The following HIVEP1 variants were observed in gnomAD, a reference collection of about 807,000 sequenced individuals.
HIVEP1 encodes zinc finger protein 40.
Under a neutral mutation model 180.0 loss-of-function variants are expected in HIVEP1, and 36 were observed. That is an observed-to-expected ratio of 0.20 (90% confidence interval 0.15 to 0.26). HIVEP1 has a LOEUF of 0.26. Ranked by LOEUF, HIVEP1 falls within the 10% of genes least tolerant of loss-of-function variation. The pLI, the probability that HIVEP1 is intolerant of heterozygous loss-of-function variation, is 1.00. For missense variants in HIVEP1, 3,143 were observed against 3,268.7 expected, an observed-to-expected ratio of 0.96 and a Z score of 0.94; for synonymous variants, 1,239 against 1,239.0, an observed-to-expected ratio of 1.00 and a Z score of 0.00.
At chr6:12,024,770 G>A (rs1382301126) in intron 2 of HIVEP1, among the ~76,000 whole-genome samples, 3 of 152,226 alleles carry the variant, frequency 2.0e-5, no homozygotes, top group East Asian at 1.9e-4. Context: ...GGACTTGGAA[G>A]GTGGTTGGTT....
At chr6:12,195,861 G>C in the HIVEP1 span, among the ~76,000 whole-genome samples, 3 of 152,184 alleles carry the variant, frequency 2.0e-5, no homozygotes, top group African/African-American at 7.2e-5. Context: ...ATATAAAGAA[G>C]TTTCTAGTAG....
the HIVEP1 span, among the ~76,000 whole-genome samples, chr6:12,203,832 T>C: frequency 1.3e-5 from 2 of 152,104 alleles, no homozygotes; most frequent in Admixed American, 1.3e-4. Context: ...ATCCCAGCAC[T>C]TTGGGGGGCC....
At chr6:12,066,966 T>G (rs1427943627) in intron 2 of HIVEP1, among the ~76,000 whole-genome samples, 1 of 152,072 alleles carries the variant, frequency 6.6e-6, no homozygotes, top group East Asian at 1.9e-4. Context: ...GGCTAATGGC[T>G]TTGAACAACA....
At chr6:12,110,661 ATCT>A (rs1212623532) in intron 3 of HIVEP1, among the ~76,000 whole-genome samples, 1 of 152,206 alleles carries the variant, frequency 6.6e-6, no homozygotes, top group Non-Finnish European at 1.5e-5. Flanking sequence ...GGCTGGTTTC[ATCT>A]TCTGTCCAAA....
At chr6:12,039,257 T>C (rs1471323832) in intron 2 of HIVEP1, 1 of 152,260 alleles carries the variant, frequency 6.6e-6, no homozygotes, top group Non-Finnish European at 1.5e-5. Flanking sequence ...AGGCATTGTC[T>C]TTTGTGTCCA....
chr6:12,089,036 TCAA>T, intron 2 of HIVEP1, 145 bp from the exon 3 acceptor site: 1 of 480,432 alleles, frequency 2.1e-6, no homozygotes, highest in Non-Finnish European at 3.8e-6. Flanking sequence ...AATATATCCT[TCAA>T]CAGTTTATAC....
chr6:12,049,413 T>C (rs74617368), intron 2 of HIVEP1, among the ~76,000 whole-genome samples: 1,690 of 152,252 alleles, frequency 0.011, 34 homozygotes, highest in African/African-American at 0.038. Flanking sequence ...TCAGGGAGCT[T>C]GTGGCGTGAC....
rs1760656323 is a variant in HIVEP1, at chr6:12,164,934, CTT to C, written c.*475_*476del. 1 of 318,654 alleles carries C rather than the reference CTT, an allele frequency of 3.1e-6. No individual in the cohort carries two copies. The highest frequency in any genetic ancestry group is 3.7e-5 in the Admixed American group (1 of 27,226). The allele number at this position is 318,654 out of a possible 1,614,324, so 19.7% of individuals were successfully genotyped here. On this transcript the variant is annotated 3_prime_UTR_variant, in exon 9 of 9. Coordinates refer to ENST00000379388, the MANE Select transcript of HIVEP1 (RefSeq NM_002114.4). ...CTGTCCTCCTTGTGTAAGACAGTAA[CTT>C]TACACTTCAGACAGATTTTCTGTGT...
chr6:12,209,856 A>G, the HIVEP1 span, among the ~76,000 whole-genome samples: 2 of 152,186 alleles, frequency 1.3e-5, no homozygotes, highest in African/African-American at 4.8e-5. Flanking sequence ...TCTTTGTTAT[A>G]TATTGTGGGA....
chr6:12,011,159 C>T (rs1767258422), upstream of HIVEP1, among the ~76,000 whole-genome samples: 1 of 152,194 alleles, frequency 6.6e-6, no homozygotes. Context: ...TCCAAACCAA[C>T]ACCCTGCCCC....
intron 2 of HIVEP1, among the ~76,000 whole-genome samples, chr6:12,035,006 C>T (rs771065559): frequency 2.6e-5 from 4 of 152,124 alleles, no homozygotes; most frequent in South Asian, 2.1e-4. Flanking sequence ...GTAAATCAAG[C>T]GCTTGGTACC....
chr6:12,020,560 G>C (rs537215696), intron 2 of HIVEP1: 9 of 402,086 alleles, frequency 2.2e-5, no homozygotes, highest in South Asian at 1.5e-4. Context: ...TTGGTGACTT[G>C]CAGGGGGTTC....
chr6:12,124,849 C>G lies in HIVEP1; in HGVS notation c.5054C>G (p.Ser1685Cys). The G allele has an allele frequency of 6.2e-7, 1 of 1,614,202 alleles. No individual in the cohort carries two copies. Among genetic ancestry groups the G allele is most frequent in the African/African-American group, 1.3e-5 (1 of 75,056 alleles). Reference sequence around the variant, plus strand: ...GTGCCAATCAGTGAAGAACAAAATTCTGTGCCAACATTACAAAAAGGTCAT... The same window carrying G: ...GTGCCAATCAGTGAAGAACAAAATTGTGTGCCAACATTACAAAAAGGTCAT... ...SVVPISEEQN[S>C]VPTLQKGHQN... is the part of the protein sequence containing the mutation. The change falls in exon 4 of 9, where the codon TCT becomes TGT. Residue 1685 changes from serine (S) to cysteine (C), a missense_variant. By Grantham distance (112) the Ser-to-Cys change is moderately radical. Coordinates refer to ENST00000379388, the MANE Select transcript of HIVEP1 (RefSeq NM_002114.4).
At chr6:12,039,132 A>G (rs1180350485) in intron 2 of HIVEP1, 1 of 152,184 alleles carries the variant, frequency 6.6e-6, no homozygotes, top group East Asian at 1.9e-4. Context: ...GTATATTTCT[A>G]CTTCAGCTAA....
At chr6:12,072,327 A>T (rs1168699145) in intron 2 of HIVEP1, among the ~76,000 whole-genome samples, 1 of 152,152 alleles carries the variant, frequency 6.6e-6, no homozygotes, top group Non-Finnish European at 1.5e-5. Flanking sequence ...ATTTGGCTAG[A>T]TATAGAATTC....
At chr6:12,156,700 T>TA (rs1199435708) in intron 7 of HIVEP1, among the ~76,000 whole-genome samples, 1 of 152,202 alleles carries the variant, frequency 6.6e-6, no homozygotes, top group Non-Finnish European at 1.5e-5. Context: ...TGTTTTCATG[T>TA]AAAAACACAC....
chr6:12,162,378 G>C (rs889987334), intron 8 of HIVEP1, among the ~76,000 whole-genome samples: 2 of 152,206 alleles, frequency 1.3e-5, no homozygotes, highest in Non-Finnish European at 2.9e-5. Flanking sequence ...TGGCAAGACA[G>C]CTACCAGTTT....
intron 7 of HIVEP1, among the ~76,000 whole-genome samples, chr6:12,153,270 G>C (rs1344398853): frequency 6.6e-6 from 1 of 152,158 alleles, no homozygotes; most frequent in Non-Finnish European, 1.5e-5. Flanking sequence ...TGATGATTCT[G>C]TAGTTAGATT....
At position 12,141,691 on chromosome 6, in the gene HIVEP1, C is replaced by CAAAAAAAAAAAAAAAAAAAAAAAAAAA. The variant is rs60419579; in HGVS notation, c.6487+5802_6487+5828dup. On this transcript the variant is annotated intron_variant, in intron 7 of 8. Coordinates refer to ENST00000379388, the MANE Select transcript of HIVEP1 (RefSeq NM_002114.4). ...GAAGATCTACCAAGCAAATGGAAAG[C>CAAAAAAAAAAAAAAAAAAAAAAAAAAA]AAAAAAAAAAAAAAAAAAAAAAAAA... is the stretch of plus-strand genomic sequence containing the variant. Among the ~76,000 whole-genome samples the CAAAAAAAAAAAAAAAAAAAAAAAAAAA allele has an allele frequency of 2.1e-4, 4 of 19,238 alleles. 1 individual carries two copies. The highest frequency in any genetic ancestry group is 4.7e-4 in the Non-Finnish European group (3 of 6,440). The allele number at this position is 19,238 out of a possible 152,430, so 12.6% of individuals were successfully genotyped here.
Sources: allele counts gnomAD v4.1 joint callset (sites outside exome capture counted in the v4.1 genomes callset), GRCh38; gene constraint gnomAD v4.1.1; transcripts MANE v1.5; gene names NCBI Gene and HGNC (gene_info 2026-07-23, HGNC 2026-07-21).